KCNJ13: variants seen among roughly 807,000 people sequenced by gnomAD.
KCNJ13 encodes the protein potassium inwardly rectifying channel subfamily J member 13.
In KCNJ13, 9 loss-of-function variants were observed where a neutral mutation model predicts 24.6. The ratio of observed to expected loss-of-function variants is 0.37; its 90% CI spans 0.22 to 0.64. KCNJ13 has a LOEUF of 0.64. Ranked by LOEUF, KCNJ13 falls within the 30% of genes least tolerant of loss-of-function variation. The pLI is 0.64. For missense variants in KCNJ13, 337 were observed against 443.8 expected, an observed-to-expected ratio of 0.76 and a Z score of 2.16; for synonymous variants, 148 against 154.7, an observed-to-expected ratio of 0.96 and a Z score of 0.32.
At chr2:232,769,390 G>A (rs529260588) in intron 2 of KCNJ13, among the ~76,000 whole-genome samples, 1 of 151,680 alleles carries the variant, frequency 6.6e-6, no homozygotes, top group South Asian at 2.1e-4. Context: ...AATTAGCTGG[G>A]TCTGGTGGCA....
chr2:232,770,100 A>C (rs1574859443), intron 2 of KCNJ13, among the ~76,000 whole-genome samples: 1 of 152,198 alleles, frequency 6.6e-6, no homozygotes, highest in East Asian at 1.9e-4. Flanking sequence ...GACCCAGTAT[A>C]GGAACTCTTG....
At chr2:232,771,514 T>G (rs1303357142) in intron 1 of KCNJ13, 136 bp from the exon 2 acceptor site, 4 of 572,772 alleles carry the variant, frequency 7.0e-6, no homozygotes. Context: ...CGCTTTTCTC[T>G]TCACGTTAGA....
rs1281103618 is a variant in KCNJ13 at position 232,771,357 on chromosome 2, G to A, written c.6C>T (p.Asp2=). The A allele has an allele frequency of 3.7e-6, 6 of 1,606,672 alleles. No individual in the cohort carries two copies. The highest frequency in any genetic ancestry group is 4.3e-6 in the Non-Finnish European group (5 of 1,173,946). The change falls in exon 2 of 3, where the codon GAC becomes GAT. Residue 2 remains aspartate (D), a synonymous_variant. Transcript: ENST00000233826. M[D]SSNCKVIAPL... is the part of the protein sequence containing the mutation. ...GAGCAATAACTTTGCAATTACTGCT[G>A]TCCATCTCAGGCTGTATTTCTCTAA...
In KCNJ13 at chr2:232,774,569, A is replaced by G. The variant is rs187670936; in HGVS notation, c.-17+1876T>C. Among the ~76,000 whole-genome samples the G allele has an allele frequency of 2.0e-5, 3 of 152,328 alleles. No homozygotes were observed. In the East Asian group the frequency reaches 5.8e-4, roughly 29 times the overall value. ...ATTATAAATAAAATTATGATGACAT[A>G]ATAAAAGATTTTGACACATGGAAGA... On this transcript the variant is annotated intron_variant, in intron 1 of 2. Coordinates refer to ENST00000233826, the MANE Select transcript of KCNJ13 (RefSeq NM_002242.4).
intron 1 of KCNJ13, among the ~76,000 whole-genome samples, chr2:232,776,008 A>G (rs1276318224): frequency 6.6e-6 from 1 of 152,198 alleles, no homozygotes; most frequent in Non-Finnish European, 1.5e-5. Flanking sequence ...TTAAAAATTT[A>G]CGATTAGGAT....
chr2:232,774,719 T>C (rs780364376), intron 1 of KCNJ13, among the ~76,000 whole-genome samples: 13 of 152,204 alleles, frequency 8.5e-5, no homozygotes, highest in Non-Finnish European at 1.3e-4. Context: ...ACACTAGTGC[T>C]TGTTCCACAT....
rs1200516246 is a variant in KCNJ13 at position 232,771,282 on chromosome 2, G to A, written c.81C>T (p.Ser27=). 6.2e-7 allele frequency: 1 copy of A among 1,609,944 alleles called. No individual in the cohort carries two copies. The highest frequency in any genetic ancestry group is 8.5e-7 in the Non-Finnish European group (1 of 1,177,754). ...YRRMVTKDGH[S]TLQMDGAQRG... is the part of the protein sequence containing the mutation. ...TTTGAGCGCCATCCATTTGAAGTGT[G>A]CTGTGGCCATCCTTGGTGACCATCC... The change falls in exon 2 of 3, where the codon AGC becomes AGT. Residue 27 remains serine (S), a synonymous_variant. Transcript: ENST00000233826.
intron 1 of KCNJ13, among the ~76,000 whole-genome samples, chr2:232,773,882 G>T (rs556852855): frequency 2.1e-5 from 3 of 144,194 alleles, no homozygotes. Flanking sequence ...GACCAGCCTA[G>T]GCAACGTAGT....
rs560786387 is a variant in KCNJ13 at position 232,773,441 on chromosome 2, T to A, written c.-16-2063A>T. Among the ~76,000 whole-genome samples, 311 of 152,242 alleles carry A rather than the reference T, an allele frequency of 2.0e-3. 1 individual carries two copies. The highest frequency in any genetic ancestry group is 7.1e-3 in the African/African-American group (296 of 41,556). ...AGCTTTGGATTATTTGGATGGTTAT[T>A]CAAGTCTAGCTAACTTCAAAGCCAG... On this transcript the variant is annotated intron_variant, in intron 1 of 2. Transcript: ENST00000233826.
intron 1 of KCNJ13, among the ~76,000 whole-genome samples, chr2:232,774,560 T>A (rs145615860): frequency 4.9e-4 from 74 of 152,318 alleles, no homozygotes; most frequent in Middle Eastern, 3.4e-3. Flanking sequence ...AATAAAATTA[T>A]GATGACATAA....
In KCNJ13 at chr2:232,768,614, G is replaced by A. The variant is rs1699078947; in HGVS notation, c.660C>T (p.Thr220=). 1.9e-6 allele frequency: 3 copies of A among 1,614,104 alleles called. No individual in the cohort carries two copies. The highest frequency in any genetic ancestry group is 4.5e-5 in the East Asian group (2 of 44,874). The change falls in exon 3 of 3, where the codon ACC becomes ACT. Residue 220 remains threonine, a synonymous_variant. Transcript: ENST00000233826. ...TGCCATCAAGGTGGAAATCCACACTGGTCTGGTAGAGTTTGCCATTTTCTC... is the reference window on the plus strand; with the variant it reads ...TGCCATCAAGGTGGAAATCCACACTAGTCTGGTAGAGTTTGCCATTTTCTC... The part of the protein sequence containing the change: ...QERENGKLYQ[T]SVDFHLDGIS...
intron 1 of KCNJ13, among the ~76,000 whole-genome samples, chr2:232,775,484 G>T (rs568378113): frequency 3.5e-4 from 53 of 152,192 alleles, no homozygotes; most frequent in African/African-American, 1.2e-3. Flanking sequence ...CTGCTCGTAT[G>T]GTTTAAAAAA....
chr2:232,770,355 G>A (rs1699184177), intron 2 of KCNJ13, among the ~76,000 whole-genome samples: 1 of 152,154 alleles, frequency 6.6e-6, no homozygotes, highest in Non-Finnish European at 1.5e-5. Flanking sequence ...TATTTCCAGT[G>A]CATTTTGCTA....
Position 232,765,990 on chromosome 2 carries a change from T to G in KCNJ13, c.*2201A>C. Reference sequence around the variant, plus strand: ...TCCCAGATGATCCAGGTTAGTGAGCTGCACATCCAGAAAGGCAGAGCAGCC... The same window carrying G: ...TCCCAGATGATCCAGGTTAGTGAGCGGCACATCCAGAAAGGCAGAGCAGCC... On this transcript the variant is annotated 3_prime_UTR_variant, in exon 3 of 3. Coordinates refer to ENST00000233826, the MANE Select transcript of KCNJ13 (RefSeq NM_002242.4). 2.1e-6 allele frequency: 1 copy of G among 470,854 alleles called. No individual in the cohort carries two copies. The highest frequency in any genetic ancestry group is 1.5e-5 in the South Asian group (1 of 64,554). The allele number at this position is 470,854 out of a possible 1,614,324, so 29.2% of individuals were successfully genotyped here.
At chr2:232,772,314 A>G (rs959988263) in intron 1 of KCNJ13, among the ~76,000 whole-genome samples, 4 of 152,274 alleles carry the variant, frequency 2.6e-5, no homozygotes, top group Non-Finnish European at 2.9e-5. Flanking sequence ...ATCTCTTTGC[A>G]TATTCTAGGC....
At position 232,771,267 on chromosome 2, in the gene KCNJ13, A is replaced by T. The variant is rs1699234402; in HGVS notation, c.96T>A (p.Asp32Glu). Residue 32 changes from aspartate to glutamate, a missense_variant, in exon 2 of 3, where the codon GAT becomes GAA. Asp to Glu is a conservative substitution (Grantham distance 45). This residue lies in a region of KCNJ13 where 101 missense variants were observed against 139.2 expected (regional missense o/e 0.73). Transcript: ENST00000233826. ...TKDGHSTLQM[D>E]GAQRGLAYLR... ...GATATGCAAGACCTCTTTGAGCGCC[A>T]TCCATTTGAAGTGTGCTGTGGCCAT... 6.2e-7 allele frequency: 1 copy of T among 1,608,416 alleles called. No individual in the cohort carries two copies. Among genetic ancestry groups the T allele is most frequent in the Non-Finnish European group, 8.5e-7 (1 of 1,176,140 alleles).
Position 232,766,465 on chromosome 2 carries a change from A to G in KCNJ13, c.*1726T>C, listed in dbSNP as rs1226742100. On this transcript the variant is annotated 3_prime_UTR_variant, in exon 3 of 3. Coordinates refer to ENST00000233826, the MANE Select transcript of KCNJ13 (RefSeq NM_002242.4). ...GCCTTTAGGAAAAAACATACCATGT[A>G]AGTCTTCAATACTACTTTATTTTCA... 1 of 153,424 alleles carries G rather than the reference A, an allele frequency of 6.5e-6. No individual in the cohort carries two copies. The highest frequency in any genetic ancestry group is 1.5e-5 in the Non-Finnish European group (1 of 68,902). 9.5% of individuals were successfully genotyped at this position (153,424 alleles called of 1,614,324 possible). A position where few individuals can be genotyped will look rare whatever the true frequency, so the allele number is the denominator to read the frequency against.
At chr2:232,776,395 T>C (rs1699514343) in intron 1 of KCNJ13, 50 bp downstream of exon 1, 3 of 1,505,412 alleles carry the variant, frequency 2.0e-6, no homozygotes, top group South Asian at 1.2e-5. Context: ...TCAGTTTCTT[T>C]CCCTGTTTCC....
chr2:232,776,026 ACTTT>A (rs1354367431), intron 1 of KCNJ13, among the ~76,000 whole-genome samples: 6 of 152,292 alleles, frequency 3.9e-5, no homozygotes, highest in Admixed American at 2.0e-4. Flanking sequence ...GATACTCATC[ACTTT>A]CTTCTTAGAT....
Sources: allele counts gnomAD v4.1 joint callset (sites outside exome capture counted in the v4.1 genomes callset), GRCh38; gene constraint gnomAD v4.1.1; regional missense constraint gnomAD v4.1.1; transcripts MANE v1.5; gene names NCBI Gene and HGNC (gene_info 2026-07-23, HGNC 2026-07-21).